Variants in RPS6KA2 observed in about 807,000 individuals in gnomAD.
RPS6KA2 encodes the protein ribosomal protein S6 kinase alpha-2.
A neutral mutation model predicts 91.8 loss-of-function variants in RPS6KA2; 42 were observed. The ratio of observed to expected loss-of-function variants is 0.46; its 90% CI spans 0.36 to 0.59. The LOEUF is 0.59. Ranked by LOEUF, RPS6KA2 falls within the 20% of genes least tolerant of loss-of-function variation. The pLI, the probability that RPS6KA2 is intolerant of heterozygous loss-of-function variation, is 0.00. For synonymous variants in RPS6KA2, 414 were observed against 393.6 expected, an observed-to-expected ratio of 1.05 and a Z score of -0.61; for missense variants, 798 against 978.5, an observed-to-expected ratio of 0.82 and a Z score of 2.46.
intron 6 of RPS6KA2, among the ~76,000 whole-genome samples, chr6:166,503,805 G>T (rs1782103423): frequency 6.6e-6 from 1 of 152,220 alleles, no homozygotes; most frequent in South Asian, 2.1e-4. Flanking sequence ...CTATTATTTT[G>T]GAGGGACTTT....
At chr6:166,742,035 G>A (rs1790831939) in intron 2 of RPS6KA2, among the ~76,000 whole-genome samples, 1 of 152,208 alleles carries the variant, frequency 6.6e-6, no homozygotes, top group Non-Finnish European at 1.5e-5. Flanking sequence ...GGCTGAGGCA[G>A]GAGAATCGCT....
intron 1 of RPS6KA2, among the ~76,000 whole-genome samples, chr6:166,566,026 GATAGAA>G (rs1784488924): frequency 6.6e-6 from 1 of 152,234 alleles, no homozygotes; most frequent in South Asian, 2.1e-4. Context: ...TGAAACTTGG[GATAGAA>G]ATAAAGAATG....
chr6:166,479,314 C>A (rs1407377889), intron 10 of RPS6KA2, among the ~76,000 whole-genome samples: 2 of 152,228 alleles, frequency 1.3e-5, no homozygotes, highest in Admixed American at 1.3e-4. Context: ...TTGCTCTGGA[C>A]GAAAGCACCC....
At chr6:166,681,759 CTTGACCCTTGT>C (rs149740377) in intron 2 of RPS6KA2, among the ~76,000 whole-genome samples, 25,198 of 138,438 alleles carry the variant, frequency 0.18, 3,017 homozygotes, top group African/African-American at 0.35. Context: ...AAAGTCCTGT[CTTGACCCTTGT>C]TTGACCCTTG....
At chr6:166,594,849 T>G (rs1281632589) in intron 1 of RPS6KA2, among the ~76,000 whole-genome samples, 1 of 152,188 alleles carries the variant, frequency 6.6e-6, no homozygotes, top group Admixed American at 6.5e-5. Flanking sequence ...ACCAAAGTTC[T>G]TTCCATCCAG....
chr6:166,693,216 G>A (rs995939985), intron 2 of RPS6KA2, among the ~76,000 whole-genome samples: 1 of 152,210 alleles, frequency 6.6e-6, no homozygotes, highest in Non-Finnish European at 1.5e-5. Context: ...CTCGCAGGAG[G>A]TGCTGCAGCG....
At chr6:166,743,232 C>T (rs1790869683) in intron 2 of RPS6KA2, among the ~76,000 whole-genome samples, 1 of 152,210 alleles carries the variant, frequency 6.6e-6, no homozygotes, top group Admixed American at 6.5e-5. Context: ...CTTCACAGCT[C>T]ACTCTCCTTT....
chr6:166,534,650 C>G (rs1783423332), intron 2 of RPS6KA2, among the ~76,000 whole-genome samples: 1 of 152,242 alleles, frequency 6.6e-6, no homozygotes, highest in Non-Finnish European at 1.5e-5. Context: ...ACACATGAAA[C>G]TTTTCTCTCT....
chr6:166,727,799 G>T (rs1790385878), intron 2 of RPS6KA2, among the ~76,000 whole-genome samples: 1 of 152,216 alleles, frequency 6.6e-6, no homozygotes, highest in South Asian at 2.1e-4. Context: ...GTCAGGAATT[G>T]TCAAGAGGTA....
Position 166,650,375 on chromosome 6 carries a change from G to A in RPS6KA2, c.124-111591C>T, listed in dbSNP as rs149511363. Among the ~76,000 whole-genome samples, 552 of 151,988 alleles carry A rather than the reference G, an allele frequency of 3.6e-3. 5 individuals are homozygous for A. Among genetic ancestry groups the A allele is most frequent in the African/African-American group, 0.013 (518 of 41,432 alleles). Reference sequence around the variant, plus strand: ...CAAGAAGAGGGGGCATTCTCCAGCTGTCTAGAGGTGGGAGGGAGGGGGTCC... The same window carrying A: ...CAAGAAGAGGGGGCATTCTCCAGCTATCTAGAGGTGGGAGGGAGGGGGTCC... On this transcript the variant is annotated intron_variant, in intron 2 of 21. Transcript: ENST00000503859.
intron 1 of RPS6KA2, among the ~76,000 whole-genome samples, chr6:166,573,074 C>T (rs968649066): frequency 1.1e-4 from 17 of 152,198 alleles, no homozygotes; most frequent in African/African-American, 3.1e-4. Flanking sequence ...CAGAAGCTCT[C>T]GGGAGCCCTC....
chr6:166,792,930 T>A (rs1670934115), intron 2 of RPS6KA2, among the ~76,000 whole-genome samples: 2 of 152,158 alleles, frequency 1.3e-5, no homozygotes, highest in African/African-American at 4.8e-5. Flanking sequence ...AAGCATTCCC[T>A]TTGAAAACTG....
chr6:166,548,626 T>C (rs1343027501), intron 1 of RPS6KA2, among the ~76,000 whole-genome samples: 1 of 152,196 alleles, frequency 6.6e-6, no homozygotes, highest in Non-Finnish European at 1.5e-5. Context: ...CACTGGACTT[T>C]CATAGGCAAA....
At chr6:166,747,215 G>T (rs906865983) in intron 2 of RPS6KA2, among the ~76,000 whole-genome samples, 1 of 152,170 alleles carries the variant, frequency 6.6e-6, no homozygotes, top group East Asian at 1.9e-4. Context: ...GGTCTCTGGG[G>T]TGACCAGCCC....
intron 2 of RPS6KA2, among the ~76,000 whole-genome samples, chr6:166,755,336 CATTGGGCCTCCT>C (rs1777977606): frequency 6.6e-6 from 1 of 152,088 alleles, no homozygotes; most frequent in African/African-American, 2.4e-5. Flanking sequence ...TGAAGAGATG[CATTGGGCCTCCT>C]AGATGCATTC....
At chr6:166,638,084 C>T (rs980735729) in intron 2 of RPS6KA2, among the ~76,000 whole-genome samples, 1 of 152,262 alleles carries the variant, frequency 6.6e-6, no homozygotes, top group African/African-American at 2.4e-5. Flanking sequence ...AGCACCAACT[C>T]CGGCTGACAA....
chr6:166,479,294 C>T (rs1241645588), intron 10 of RPS6KA2, among the ~76,000 whole-genome samples: 1 of 135,986 alleles, frequency 7.4e-6, no homozygotes. Context: ...TGCCCATTAT[C>T]CACTCACACT....
chr6:166,856,826 G>A (rs939563204), intron 2 of RPS6KA2, among the ~76,000 whole-genome samples: 2 of 152,208 alleles, frequency 1.3e-5, no homozygotes, highest in Non-Finnish European at 2.9e-5. Flanking sequence ...ATTTTCAGGA[G>A]AGTCACTGCC....
intron 11 of RPS6KA2, among the ~76,000 whole-genome samples, chr6:166,465,935 C>T (rs562991356): frequency 1.3e-5 from 2 of 152,328 alleles, no homozygotes; most frequent in South Asian, 2.1e-4. Context: ...CTGCCACTCA[C>T]GGGCTGTGTG....
Sources: gnomAD v4.1 joint callset for allele counts (sites outside exome capture counted in the v4.1 genomes callset) on GRCh38, gnomAD v4.1.1 for gene constraint, MANE v1.5 for transcripts, NCBI Gene and HGNC (gene_info 2026-07-23, HGNC 2026-07-21) for gene names.